Variants in RNPC3 observed in about 807,000 individuals in gnomAD.
The protein encoded by RNPC3 is RNA-binding region-containing protein 3.
In RNPC3, 48 loss-of-function variants were observed where a neutral mutation model predicts 67.5. The observed-to-expected ratio is 0.71, with a 90% CI of 0.56 to 0.90. The LOEUF is 0.90. Among genes scored for constraint, RNPC3 ranks in the 40% least tolerant of loss-of-function variants. The pLI, the probability that RNPC3 is intolerant of heterozygous loss-of-function variation, is 0.00. For missense variants in RNPC3, 637 were observed against 626.1 expected, an observed-to-expected ratio of 1.02 and a Z score of -0.19; for synonymous variants, 239 against 210.3, an observed-to-expected ratio of 1.14 and a Z score of -1.18.
At chr1:103,552,718 A>G (rs375955378) in intron 14 of RNPC3, 3 of 151,962 alleles carry the variant, frequency 2.0e-5, no homozygotes, top group African/African-American at 7.3e-5. Flanking sequence ...CGAGATCAAG[A>G]TCACGCCACT....
At chr1:103,548,084 A>G (rs1360082252) in intron 12 of RNPC3, among the ~76,000 whole-genome samples, 1 of 152,162 alleles carries the variant, frequency 6.6e-6, no homozygotes, top group African/African-American at 2.4e-5. Context: ...CACACAGCAC[A>G]GGGACCCTGG....
chr1:103,543,228 T>C lies in RNPC3; in HGVS notation c.894-68T>C, dbSNP rs1211845040. 3.4e-6 allele frequency: 4 copies of C among 1,160,296 alleles called. No homozygotes were observed. The African/African-American group carries it at 4.8e-5, about 14-fold the overall frequency. The allele number at this position is 1,160,296 out of a possible 1,614,324, so 71.9% of individuals were successfully genotyped here. A position where few individuals can be genotyped will look rare whatever the true frequency, so the allele number is the denominator to read the frequency against. On this transcript the variant is annotated intron_variant, in intron 8 of 14. Coordinates refer to ENST00000423855, the MANE Select transcript of RNPC3 (RefSeq NM_017619.4). ...TTAACTTTTAAAATTTAAAATAAAC[T>C]TGAAATAATATTTTACTCAGGATTT...
At chr1:103,548,145 G>A (rs1012508221) in intron 12 of RNPC3, among the ~76,000 whole-genome samples, 1 of 152,114 alleles carries the variant, frequency 6.6e-6, no homozygotes, top group Non-Finnish European at 1.5e-5. Flanking sequence ...TGATGGGAGG[G>A]GCTGCCATGA....
At position 103,526,164 on chromosome 1, in the gene RNPC3, A is replaced by G; in HGVS notation, c.94A>G (p.Arg32Gly). 9.0e-6 allele frequency: 14 copies of G among 1,551,548 alleles called. No homozygotes were observed. Among genetic ancestry groups the G allele is most frequent in the Non-Finnish European group, 1.2e-5 (14 of 1,146,916 alleles). Residue 32 changes from arginine to glycine, a missense_variant, in exon 1 of 15, where the codon AGG becomes GGG. Arg to Gly is a moderately radical substitution (Grantham distance 125). Around this residue, in one of 3 missense-constraint regions of RNPC3, gnomAD observed 536 missense variants for 500.3 expected, o/e 1.07. Transcript: ENST00000423855. Reference protein sequence around the residue: ...PPRGDRTLLVRHLPAELTAEE... With the variant: ...PPRGDRTLLVGHLPAELTAEE... ...TCGGGGCGACCGAACCCTTCTGGTC[A>G]GGCACCTGCCGGCTGAGCTTACTGC...
In RNPC3 at chr1:103,542,057, A is replaced by G. The variant is rs150276665; in HGVS notation, c.893+582A>G. Among the ~76,000 whole-genome samples the G allele has an allele frequency of 3.3e-5, 5 of 152,170 alleles. No homozygotes were observed. In the East Asian group the frequency reaches 9.7e-4, roughly 29 times the overall value. On this transcript the variant is annotated intron_variant, in intron 8 of 14. Coordinates refer to ENST00000423855, the MANE Select transcript of RNPC3 (RefSeq NM_017619.4). ...CTGCTAAATATTGTGTGTAGTTTGA[A>G]GCATGCTTTTAAAGTTTAATGCTGT...
At position 103,533,280 on chromosome 1, in the gene RNPC3, CT is replaced by C. The variant is rs1378999050; in HGVS notation, c.241-458del. On this transcript the variant is annotated intron_variant, in intron 2 of 14. Coordinates refer to ENST00000423855, the MANE Select transcript of RNPC3 (RefSeq NM_017619.4). Reference sequence around the variant, plus strand: ...TTGTCTCAAAGTAGAAAACAAGGTGCTAAGCTAACGGAATACAAGAAAAATA... The same window carrying C: ...TTGTCTCAAAGTAGAAAACAAGGTGCAAGCTAACGGAATACAAGAAAAATA... 7.2e-5 allele frequency among the ~76,000 whole-genome samples: 11 copies of C among 152,030 alleles called. No homozygotes were observed. In the East Asian group the frequency reaches 2.1e-3, roughly 29 times the overall value.
chr1:103,527,794 T>A (rs922598733), intron 2 of RNPC3, 52 bp downstream of exon 2: 8 of 1,311,370 alleles, frequency 6.1e-6, no homozygotes, highest in Middle Eastern at 1.8e-4. Flanking sequence ...TCTTATACAA[T>A]CTTGGTTCAG....
chr1:103,534,697 A>T, intron 3 of RNPC3, 77 bp from the exon 4 acceptor site: 1 of 754,904 alleles, frequency 1.3e-6, no homozygotes, highest in South Asian at 2.0e-5. Flanking sequence ...CATGTTTGAA[A>T]AGGTAATTTA....
rs1480668289 is a variant in RNPC3, at chr1:103,537,409, C to T, written c.692C>T (p.Pro231Leu). The change falls in exon 7 of 15, where the codon CCT becomes CTT. Residue 231 changes from proline to leucine, a missense_variant. Pro to Leu is a moderately conservative substitution (Grantham distance 98). Around this residue, in one of 3 missense-constraint regions of RNPC3, gnomAD observed 536 missense variants for 500.3 expected, o/e 1.07. Transcript: ENST00000423855. ...TCTCCTCAGCCACCTGAGGAACCTC[C>T]TTTGCCAGACGAGGATGAGGAATTA... Reference protein sequence around the residue: ...PTSPQPPEEPPLPDEDEELSS... With the variant: ...PTSPQPPEEPLLPDEDEELSS... The T allele has an allele frequency of 1.3e-6, 2 of 1,535,968 alleles. No homozygotes were observed. The highest frequency in any genetic ancestry group is 2.7e-5 in the African/African-American group (2 of 73,018).
chr1:103,551,798 T>G lies in RNPC3; in HGVS notation c.*12+6T>G. ...AGTGTTAAAAATTAATAAAGGTAAG[T>G]GTGAATAAAACATAATAAAAAGACA... On this transcript the variant is annotated splice_donor_region_variant and intron_variant, in intron 14 of 14. Transcript: ENST00000423855. 7.3e-7 allele frequency: 1 copy of G among 1,365,416 alleles called. No individual in the cohort carries two copies. The highest frequency in any genetic ancestry group is 1.3e-5 in the South Asian group (1 of 74,360). The allele number at this position is 1,365,416 out of a possible 1,614,324, so 84.6% of individuals were successfully genotyped here. A position where few individuals can be genotyped will look rare whatever the true frequency, so the allele number is the denominator to read the frequency against.
Position 103,525,862 on chromosome 1 carries a change from G to C in RNPC3, c.-209G>C. ...GAGACCCCTGGAATTTAAATCATTA[G>C]CACCGCGCCCTTCCCCGAAGAGTCT... On this transcript the variant is annotated 5_prime_UTR_variant, in exon 1 of 15. Coordinates refer to ENST00000423855, the MANE Select transcript of RNPC3 (RefSeq NM_017619.4). The C allele has an allele frequency of 1.8e-6, 1 of 540,974 alleles. No individual in the cohort carries two copies. Among genetic ancestry groups the C allele is most frequent in the Non-Finnish European group, 3.3e-6 (1 of 303,958 alleles). The allele number at this position is 540,974 out of a possible 1,614,324, so 33.5% of individuals were successfully genotyped here. A position where few individuals can be genotyped will look rare whatever the true frequency, so the allele number is the denominator to read the frequency against.
At chr1:103,540,262 G>T (rs888290721) in intron 7 of RNPC3, among the ~76,000 whole-genome samples, 2 of 152,120 alleles carry the variant, frequency 1.3e-5, no homozygotes, top group African/African-American at 4.8e-5. Context: ...AGTCTTTTGT[G>T]TATAAGTTGT....
chr1:103,527,593 A>G, intron 1 of RNPC3, 102 bp from the exon 2 acceptor site: 1 of 847,272 alleles, frequency 1.2e-6, no homozygotes, highest in South Asian at 1.5e-5. Flanking sequence ...CTTTCCCGTG[A>G]TTTTATTAAC....
intron 2 of RNPC3, among the ~76,000 whole-genome samples, chr1:103,532,200 ATACCAG>A (rs1313712505): frequency 6.6e-6 from 1 of 152,082 alleles, no homozygotes; most frequent in African/African-American, 2.4e-5. Context: ...GCCTATTTTT[ATACCAG>A]TACCATGCTG....
At chr1:103,545,236 G>T in intron 10 of RNPC3, 134 bp downstream of exon 10, 1 of 660,758 alleles carries the variant, frequency 1.5e-6, no homozygotes, top group Non-Finnish European at 2.4e-6. Context: ...ATTAATGTTT[G>T]TAATCACTTC....
At chr1:103,537,310 C>G in intron 6 of RNPC3, 32 bp from the exon 7 acceptor site, 1 of 1,464,298 alleles carries the variant, frequency 6.8e-7, no homozygotes, top group Non-Finnish European at 9.1e-7. Flanking sequence ...TTTTGGACTG[C>G]CATAGTATTT....
intron 7 of RNPC3, among the ~76,000 whole-genome samples, chr1:103,540,770 A>G (rs1385560384): frequency 6.6e-6 from 1 of 152,148 alleles, no homozygotes; most frequent in African/African-American, 2.4e-5. Flanking sequence ...TTTAATATTA[A>G]ATATTCATAT....
chr1:103,541,061 C>T (rs6673083), intron 7 of RNPC3, among the ~76,000 whole-genome samples: 97,335 of 151,936 alleles, frequency 0.64, 31,629 homozygotes, highest in Middle Eastern at 0.73. Flanking sequence ...CATTTTATTT[C>T]GGCAACTGCT....
Position 103,535,458 on chromosome 1 carries a change from T to A in RNPC3, c.555+17T>A, listed in dbSNP as rs1030071517. 5 of 1,470,760 alleles carry A rather than the reference T, an allele frequency of 3.4e-6. No homozygotes were observed. In the African/African-American group the frequency reaches 7.0e-5, roughly 21 times the overall value. The allele number at this position is 1,470,760 out of a possible 1,614,324, so 91.1% of individuals were successfully genotyped here. A position where few individuals can be genotyped will look rare whatever the true frequency, so the allele number is the denominator to read the frequency against. ...TATGTACAGGTAAGTAGAATAAAAC[T>A]TTTCCTAAAAGGACTTGTTGTATAG... On this transcript the variant is annotated intron_variant, in intron 5 of 14. Coordinates refer to ENST00000423855, the MANE Select transcript of RNPC3 (RefSeq NM_017619.4).
Sources: allele counts gnomAD v4.1 joint callset (sites outside exome capture counted in the v4.1 genomes callset), GRCh38; gene constraint gnomAD v4.1.1; regional missense constraint gnomAD v4.1.1; transcripts MANE v1.5; gene names NCBI Gene and HGNC (gene_info 2026-07-23, HGNC 2026-07-21).